CLEC16A: variants seen among roughly 807,000 people sequenced by gnomAD.
The protein encoded by CLEC16A is C-type lectin domain containing 16A.
A neutral mutation model predicts 109.5 loss-of-function variants in CLEC16A; 51 were observed. The ratio of observed to expected loss-of-function variants is 0.47; its 90% CI spans 0.37 to 0.59. CLEC16A has a LOEUF of 0.59. CLEC16A is among the 20% of genes least tolerant of loss of function. CLEC16A has a pLI of 0.00. For missense variants in CLEC16A, 1,339 were observed against 1,394.0 expected, an observed-to-expected ratio of 0.96 and a Z score of 0.63; for synonymous variants, 673 against 564.2, an observed-to-expected ratio of 1.19 and a Z score of -2.73.
intron 11 of CLEC16A, among the ~76,000 whole-genome samples, chr16:11,009,042 C>T (rs2045232844): frequency 6.6e-6 from 1 of 152,142 alleles, no homozygotes; most frequent in African/African-American, 2.4e-5. Context: ...ACCATCACCA[C>T]CATCTGTCTT....
intron 22 of CLEC16A, among the ~76,000 whole-genome samples, chr16:11,164,107 C>T (rs1168609468): frequency 6.6e-6 from 1 of 152,172 alleles, no homozygotes; most frequent in Non-Finnish European, 1.5e-5. Context: ...CAATATATCA[C>T]ATTGTGCCTC....
At position 11,172,565 on chromosome 16, in the gene CLEC16A, ATAG is replaced by A. The variant is rs1180987932; in HGVS notation, c.2807-5766_2807-5764del. 5.3e-5 allele frequency among the ~76,000 whole-genome samples: 8 copies of A among 152,196 alleles called. No individual in the cohort carries two copies. The South Asian group carries it at 6.2e-4, about 12-fold the overall frequency. ...ATTTATTTTTAATTTGGGGGAGCAC[ATAG>A]TAGGTGTAATTAAACATTCATTTTT... On this transcript the variant is annotated intron_variant, in intron 23 of 23. Coordinates refer to ENST00000409790, the MANE Select transcript of CLEC16A (RefSeq NM_015226.3).
Position 11,065,556 on chromosome 16 carries a change from G to C in CLEC16A, c.2116+4534G>C, listed in dbSNP as rs1172663876. ...GCCAGACTTCACTTCTGTTCTTGAG[G>C]TGTTTCCAGTTGTGGAGGGAGCAAC... On this transcript the variant is annotated intron_variant, in intron 19 of 23. Coordinates refer to ENST00000409790, the MANE Select transcript of CLEC16A (RefSeq NM_015226.3). 2.6e-5 allele frequency among the ~76,000 whole-genome samples: 4 copies of C among 152,240 alleles called. No individual in the cohort carries two copies. In the East Asian group the frequency reaches 7.7e-4, roughly 29 times the overall value.
chr16:11,113,474 C>T (rs928238265), intron 19 of CLEC16A, among the ~76,000 whole-genome samples: 1 of 152,010 alleles, frequency 6.6e-6, no homozygotes, highest in African/African-American at 2.4e-5. Context: ...GCCTGGGCAA[C>T]ATGGCACAAC....
At chr16:11,070,840 C>G (rs2049031715) in intron 19 of CLEC16A, 1 of 152,340 alleles carries the variant, frequency 6.6e-6, no homozygotes, top group Non-Finnish European at 1.5e-5. Flanking sequence ...TTCCCTAGCA[C>G]AAGTACACTG....
At chr16:10,967,381 G>A (rs1410505709) in intron 3 of CLEC16A, among the ~76,000 whole-genome samples, 1 of 152,062 alleles carries the variant, frequency 6.6e-6, no homozygotes, top group African/African-American at 2.4e-5. Context: ...TTCAGTCCTG[G>A]AATATGGTAG....
intron 13 of CLEC16A, chr16:11,027,137 G>T: frequency 6.9e-7 from 1 of 1,459,674 alleles, no homozygotes; most frequent in East Asian, 2.3e-5. Flanking sequence ...TTTTGGCAAA[G>T]AAGGAGCAGA....
chr16:11,170,258 C>T (rs2068449638), intron 23 of CLEC16A, among the ~76,000 whole-genome samples: 1 of 152,200 alleles, frequency 6.6e-6, no homozygotes, highest in Non-Finnish European at 1.5e-5. Context: ...GGCCTGCTAA[C>T]ATGTACAACC....
intron 19 of CLEC16A, among the ~76,000 whole-genome samples, chr16:11,076,546 G>T (rs902140159): frequency 6.6e-6 from 1 of 152,044 alleles, no homozygotes; most frequent in South Asian, 2.1e-4. Context: ...TGCATCACAC[G>T]CCCACCTTCC....
At chr16:11,030,718 C>A (rs546911249) in intron 13 of CLEC16A, among the ~76,000 whole-genome samples, 1 of 152,186 alleles carries the variant, frequency 6.6e-6, no homozygotes, top group Non-Finnish European at 1.5e-5. Flanking sequence ...AATCTTGGCT[C>A]GCTGCAACCT....
intron 11 of CLEC16A, among the ~76,000 whole-genome samples, chr16:11,010,228 G>C (rs937611027): frequency 7.2e-5 from 11 of 151,976 alleles, no homozygotes; most frequent in African/African-American, 2.7e-4. Context: ...GTGGGTGGGG[G>C]AGCCTGCATA....
intron 13 of CLEC16A, among the ~76,000 whole-genome samples, chr16:11,036,987 C>A (rs1280669286): frequency 6.6e-6 from 1 of 152,208 alleles, no homozygotes; most frequent in East Asian, 1.9e-4. Context: ...AGTTGTTGGC[C>A]TGTGACAGTG....
chr16:11,036,766 C>G (rs1294339176), intron 13 of CLEC16A, among the ~76,000 whole-genome samples: 1 of 152,078 alleles, frequency 6.6e-6, no homozygotes. Context: ...CCAGGCTGAT[C>G]TCAAACTCCT....
In CLEC16A at chr16:11,178,413, C is replaced by CT. The variant is rs748125487; in HGVS notation, c.2886dup (p.Lys963Ter). On this transcript the variant is annotated frameshift_variant, in exon 24 of 24. Transcript: ENST00000409790. LOFTEE classifies it low-confidence loss of function (END_TRUNC). The surrounding 1 kb of genome is among the most constrained non-coding windows in gnomAD (Gnocchi z 6.5). Reference sequence around the variant, plus strand: ...ATCGTCAACGAAACGGAAGCAGACTCTAAGCCCAGCAAGAACGTGGCCAGG... The same window carrying CT: ...ATCGTCAACGAAACGGAAGCAGACTCTTAAGCCCAGCAAGAACGTGGCCAGG... 1 of 1,613,716 alleles carries CT rather than the reference C, an allele frequency of 6.2e-7. No individual in the cohort carries two copies. Among genetic ancestry groups the CT allele is most frequent in the Non-Finnish European group, 8.5e-7 (1 of 1,179,914 alleles).
intron 10 of CLEC16A, among the ~76,000 whole-genome samples, chr16:10,984,968 G>A (rs925386132): frequency 2.0e-5 from 3 of 152,124 alleles, no homozygotes; most frequent in African/African-American, 7.2e-5. Flanking sequence ...TTGGGAGGCC[G>A]AGGCGGGCAG....
rs1484816037 is a variant in CLEC16A at position 11,178,103 on chromosome 16, A to G, written c.2807-232A>G. Among the ~76,000 whole-genome samples, 2 of 152,058 alleles carry G rather than the reference A, an allele frequency of 1.3e-5. No homozygotes were observed. The highest frequency in any genetic ancestry group is 4.8e-5 in the African/African-American group (2 of 41,388). On this transcript the variant is annotated intron_variant, in intron 23 of 23. Coordinates refer to ENST00000409790, the MANE Select transcript of CLEC16A (RefSeq NM_015226.3). The surrounding 1 kb of genome is among the most constrained non-coding windows in gnomAD (Gnocchi z 6.5). ...GCCCTGAATTTTCCCCTCATATCAC[A>G]AGTCAGGGTAACCCTAGGCCCTGCT...
intron 11 of CLEC16A, among the ~76,000 whole-genome samples, chr16:11,008,487 G>A (rs376912402): frequency 6.6e-6 from 1 of 152,158 alleles, no homozygotes; most frequent in Non-Finnish European, 1.5e-5. Flanking sequence ...GTCATTTAGA[G>A]AGGCAGAAGT....
At chr16:11,144,492 C>G (rs1334066440) in intron 22 of CLEC16A, among the ~76,000 whole-genome samples, 1 of 152,118 alleles carries the variant, frequency 6.6e-6, no homozygotes. Flanking sequence ...ACCCTCCCCT[C>G]AGCTGAGAGG....
At chr16:11,039,363 T>C in intron 13 of CLEC16A, among the ~76,000 whole-genome samples, 1 of 152,340 alleles carries the variant, frequency 6.6e-6, no homozygotes, top group Admixed American at 6.5e-5. Context: ...CAATCCTGAT[T>C]TCCTATTTAT....
Sources: gnomAD v4.1 joint callset for allele counts (sites outside exome capture counted in the v4.1 genomes callset) on GRCh38, gnomAD v4.1.1 for gene constraint, Gnocchi (gnomAD v3.1) non-coding constraint, MANE v1.5 for transcripts, NCBI Gene and HGNC (gene_info 2026-07-23, HGNC 2026-07-21) for gene names.